Variants in TUBAL3 observed in about 807,000 individuals in gnomAD.
TUBAL3 encodes the protein tubulin alpha chain-like 3.
A neutral mutation model predicts 15.5 loss-of-function variants in TUBAL3; 16 were observed. The ratio of observed to expected loss-of-function variants is 1.04; its 90% CI spans 0.70 to 1.57. The LOEUF (loss-of-function observed/expected upper bound fraction) is 1.57, where lower values mean the gene tolerates loss of function less well. Ranked by LOEUF, TUBAL3 falls within the 40% of genes most tolerant of loss-of-function variation. The pLI, the probability that TUBAL3 is intolerant of heterozygous loss-of-function variation, is 0.00. For synonymous variants in TUBAL3, 238 were observed against 224.3 expected, an observed-to-expected ratio of 1.06 and a Z score of -0.55; for missense variants, 609 against 576.2, an observed-to-expected ratio of 1.06 and a Z score of -0.58.
At position 5,400,909 on chromosome 10, in the gene TUBAL3, C is replaced by G; in HGVS notation, c.182G>C (p.Cys61Ser). 6.2e-7 allele frequency: 1 copy of G among 1,614,212 alleles called. No homozygotes were observed. Among genetic ancestry groups the G allele is most frequent in the Non-Finnish European group, 8.5e-7 (1 of 1,180,042 alleles). Residue 61 changes from cysteine (C) to serine (S), a missense_variant, in exon 2 of 4, where the codon TGT (cysteine) becomes TCT (serine). By Grantham distance (112) the Cys-to-Ser change is moderately radical. Coordinates refer to ENST00000380419, the MANE Select transcript of TUBAL3 (RefSeq NM_024803.3). ...CACATGCTTCCCAGCTCTTGTCTCA[C>G]AGAAGAAGGTATCGAAAGATGCATT... ...HTNASFDTFF[C>S]ETRAGKHVPR...
chr10:5,400,128 C>T (rs1368550208), intron 2 of TUBAL3, among the ~76,000 whole-genome samples: 1 of 152,106 alleles, frequency 6.6e-6, no homozygotes, highest in Non-Finnish European at 1.5e-5. Context: ...CTGTTTTTCC[C>T]ATAACTAGGG....
chr10:5,398,464 T>A (rs542502135), intron 2 of TUBAL3, among the ~76,000 whole-genome samples: 101 of 147,224 alleles, frequency 6.9e-4, no homozygotes, highest in South Asian at 8.6e-4. Context: ...CCACATGTAG[T>A]GACATGTGCC....
chr10:5,400,802 G>A (rs782660122), intron 2 of TUBAL3, 42 bp downstream of exon 2: 1 of 1,611,000 alleles, frequency 6.2e-7, no homozygotes, highest in Non-Finnish European at 8.5e-7. Context: ...TTGTTTGAGT[G>A]TGGCTCCAGT....
Position 5,395,277 on chromosome 10 carries a change from C to T in TUBAL3, c.396+50G>A. 7.1e-7 allele frequency: 1 copy of T among 1,407,574 alleles called. No homozygotes were observed. Among genetic ancestry groups the T allele is most frequent in the Middle Eastern group, 2.0e-4 (1 of 5,122 alleles). The allele number at this position is 1,407,574 out of a possible 1,614,324, so 87.2% of individuals were successfully genotyped here. On this transcript the variant is annotated intron_variant, in intron 3 of 3. Transcript: ENST00000380419. This position sits in a 1 kb window ranked among gnomAD's most constrained non-coding sequence, Gnocchi z 4.6. Reference sequence around the variant, plus strand: ...ATGCTTGTGAGTTCTGCCGCAGGACCCCACATGCCCCAGGCACAGCCCACT... The same window carrying T: ...ATGCTTGTGAGTTCTGCCGCAGGACTCCACATGCCCCAGGCACAGCCCACT...
intron 2 of TUBAL3, among the ~76,000 whole-genome samples, chr10:5,399,758 C>A (rs1269233912): frequency 6.6e-6 from 1 of 152,186 alleles, no homozygotes; most frequent in African/African-American, 2.4e-5. Context: ...CAACAGCCAG[C>A]ACCAAGGGGC....
Position 5,401,000 on chromosome 10 carries a change from G to A in TUBAL3, c.91C>T (p.Gln31Ter), listed in dbSNP as rs1554814602. 1 of 1,614,208 alleles carries A rather than the reference G, an allele frequency of 6.2e-7. No homozygotes were observed. The highest frequency in any genetic ancestry group is 1.7e-5 in the Admixed American group (1 of 60,024). The change falls in exon 2 of 4, where the codon CAG becomes TAG. Residue 31 changes from glutamine (Q) to a stop codon, truncating the protein, a stop_gained. Coordinates refer to ENST00000380419, the MANE Select transcript of TUBAL3 (RefSeq NM_024803.3). LOFTEE classifies it high-confidence loss of function. ...WELYCLEHGI[Q>*]PNGVVLDTQQ... ...GTGTCAAGAACAACGCCATTTGGCT[G>A]GATTCCATGTTCCAGGCAATAGAGT...
At position 5,395,224 on chromosome 10, in the gene TUBAL3, C is replaced by T. The variant is rs146502797; in HGVS notation, c.396+103G>A. 333 of 1,246,882 alleles carry T rather than the reference C, an allele frequency of 2.7e-4. No individual in the cohort carries two copies. The African/African-American group carries it at 4.5e-3, about 17-fold the overall frequency. 77.2% of individuals were successfully genotyped at this position (1,246,882 alleles called of 1,614,324 possible). A position where few individuals can be genotyped will look rare whatever the true frequency, so the allele number is the denominator to read the frequency against. ...ACCCAGACCAGAGCCCAGGGAGAGA[C>T]GGTTGGTGGCGATGGTGACAGCAGA... On this transcript the variant is annotated intron_variant, in intron 3 of 3. Transcript: ENST00000380419. The surrounding 1 kb of genome is among the most constrained non-coding windows in gnomAD (Gnocchi z 4.6).
rs1446949324 is a variant in TUBAL3 at position 5,396,013 on chromosome 10, C to T, written c.248-538G>A. 1.3e-5 allele frequency among the ~76,000 whole-genome samples: 2 copies of T among 152,126 alleles called. No homozygotes were observed. Among genetic ancestry groups the T allele is most frequent in the African/African-American group, 4.8e-5 (2 of 41,416 alleles). ...GGACACAATTCTTTAGCATTAGGGC[C>T]CACCCTAATCCAGGAGGACCTCATT... On this transcript the variant is annotated intron_variant, in intron 2 of 3. Coordinates refer to ENST00000380419, the MANE Select transcript of TUBAL3 (RefSeq NM_024803.3). This position sits in a 1 kb window ranked among gnomAD's most constrained non-coding sequence, Gnocchi z 5.1.
In TUBAL3 at chr10:5,396,238, T is replaced by C. The variant is rs1028994553; in HGVS notation, c.248-763A>G. 6.6e-6 allele frequency among the ~76,000 whole-genome samples: 1 copy of C among 152,174 alleles called. No homozygotes were observed. The highest frequency in any genetic ancestry group is 6.5e-5 in the Admixed American group (1 of 15,278). On this transcript the variant is annotated intron_variant, in intron 2 of 3. Coordinates refer to ENST00000380419, the MANE Select transcript of TUBAL3 (RefSeq NM_024803.3). The surrounding 1 kb of genome is among the most constrained non-coding windows in gnomAD (Gnocchi z 5.1). The stretch of plus-strand genomic sequence containing the variant: ...ACAGAAAGGCATATCCAGGGCACAG[T>C]GGCTCACACCTGTAATCCCAGCACT...
At chr10:5,400,416 G>A (rs1202036770) in intron 2 of TUBAL3, among the ~76,000 whole-genome samples, 5 of 152,126 alleles carry the variant, frequency 3.3e-5, no homozygotes, top group African/African-American at 1.2e-4. Context: ...TGGGTCACTT[G>A]AGGTCGGGAG....
intron 1 of TUBAL3, among the ~76,000 whole-genome samples, chr10:5,402,844 A>G (rs1831877704): frequency 6.6e-6 from 1 of 152,158 alleles, no homozygotes; most frequent in South Asian, 2.1e-4. Flanking sequence ...TCATCCAGAA[A>G]CCATCCCCAC....
At chr10:5,400,581 A>G (rs1445208494) in intron 2 of TUBAL3, among the ~76,000 whole-genome samples, 1 of 152,210 alleles carries the variant, frequency 6.6e-6, no homozygotes, top group Non-Finnish European at 1.5e-5. Context: ...CAGTGAGCCC[A>G]GATCACGCTA....
chr10:5,395,484 G>A lies in TUBAL3; in HGVS notation c.248-9C>T. The A allele has an allele frequency of 6.7e-7, 1 of 1,497,548 alleles. No individual in the cohort carries two copies. Among genetic ancestry groups the A allele is most frequent in the East Asian group, 2.5e-5 (1 of 39,940 alleles). The allele number at this position is 1,497,548 out of a possible 1,614,324, so 92.8% of individuals were successfully genotyped here. A position where few individuals can be genotyped will look rare whatever the true frequency, so the allele number is the denominator to read the frequency against. ...GCCCGTCCGGATCCCATCTGCAGAG[G>A]GTGAAAGGAGGTCAGTGCAACTCAC... On this transcript the variant is annotated splice_polypyrimidine_tract_variant and intron_variant, in intron 2 of 3. Coordinates refer to ENST00000380419, the MANE Select transcript of TUBAL3 (RefSeq NM_024803.3). The surrounding 1 kb of genome is among the most constrained non-coding windows in gnomAD (Gnocchi z 4.6).
At position 5,393,573 on chromosome 10, in the gene TUBAL3, T is replaced by G. The variant is rs782294680; in HGVS notation, c.1285A>C (p.Arg429=). The G allele has an allele frequency of 2.5e-6, 4 of 1,614,140 alleles. No homozygotes were observed. Among genetic ancestry groups the G allele is most frequent in the Non-Finnish European group, 3.4e-6 (4 of 1,179,992 alleles). Residue 429 remains arginine, a synonymous_variant, in exon 4 of 4, where the codon AGG becomes CGG. Transcript: ENST00000380419. The part of the protein sequence containing the change: ...GMEEAEFLEA[R]EDLAALERDY... ...CTCTCCAGGGCTGCCAGATCTTCCC[T>G]GGCCTCCAAGAACTCTGCTTCTTCC...
rs781903273 is a variant in TUBAL3, at chr10:5,393,472, C to A, written c.*45G>T. 890 of 1,490,970 alleles carry A rather than the reference C, an allele frequency of 6.0e-4. No individual in the cohort carries two copies. The highest frequency in any genetic ancestry group is 5.5e-3 in the Admixed American group (255 of 46,184). The allele number at this position is 1,490,970 out of a possible 1,614,324, so 92.4% of individuals were successfully genotyped here. On this transcript the variant is annotated 3_prime_UTR_variant, in exon 4 of 4. Coordinates refer to ENST00000380419, the MANE Select transcript of TUBAL3 (RefSeq NM_024803.3). ...GGCATATAACGGCTTGAAAAGAAAA[C>A]ATGCCATTTTAACTTGACATTCATT...
rs906192809 is a variant in TUBAL3 at position 5,393,758 on chromosome 10, G to A, written c.1100C>T (p.Pro367Leu). The change falls in exon 4 of 4, where the codon CCC becomes CTC. Residue 367 changes from proline to leucine, a missense_variant. Physicochemically the swap from Pro to Leu is moderately conservative, Grantham distance 98 (BLOSUM62 -3). Coordinates refer to ENST00000380419, the MANE Select transcript of TUBAL3 (RefSeq NM_024803.3). ...CAGGTCCCCACCCGGCATCACCGTGGGCGGCCGATTGTTGATGCCCACCTT... is the reference window on the plus strand; with the variant it reads ...CAGGTCCCCACCCGGCATCACCGTGAGCGGCCGATTGTTGATGCCCACCTT... Reference protein sequence around the residue: ...GFKVGINNRPPTVMPGGDLAK... With the variant: ...GFKVGINNRPLTVMPGGDLAK... 6 of 1,614,110 alleles carry A rather than the reference G, an allele frequency of 3.7e-6. No individual in the cohort carries two copies. Among genetic ancestry groups the A allele is most frequent in the Non-Finnish European group, 5.1e-6 (6 of 1,180,054 alleles).
Position 5,393,274 on chromosome 10 carries a change from A to T in TUBAL3, c.*243T>A. The stretch of plus-strand genomic sequence containing the variant: ...AAATCCCACCTAGAAGTGACTCAGC[A>T]GTTCAAAGGACTCTAAGCTTCCAAA... On this transcript the variant is annotated 3_prime_UTR_variant, in exon 4 of 4. Transcript: ENST00000380419. The T allele has an allele frequency of 2.4e-6, 1 of 413,220 alleles. No individual in the cohort carries two copies. 25.6% of individuals were successfully genotyped at this position (413,220 alleles called of 1,614,324 possible).
Position 5,394,409 on chromosome 10 carries a change from C to G in TUBAL3, c.449G>C (p.Gly150Ala). 1 of 1,613,434 alleles carries G rather than the reference C, an allele frequency of 6.2e-7. No individual in the cohort carries two copies. Among genetic ancestry groups the G allele is most frequent in the Non-Finnish European group, 8.5e-7 (1 of 1,179,732 alleles). ...AGACGTAAACCCTGAACCAGTGCCT[C>G]CTCCAAAGCTTCGGAAAATCAAAAA... is the stretch of plus-strand genomic sequence containing the variant. Reference protein sequence around the residue: ...QGFLIFRSFGGGTGSGFTSLL... With the variant: ...QGFLIFRSFGAGTGSGFTSLL... The change falls in exon 4 of 4, where the codon GGA (glycine) becomes GCA (alanine). Residue 150 changes from glycine (G) to alanine (A), a missense_variant. Gly to Ala is a moderately conservative substitution (Grantham distance 60). Transcript: ENST00000380419. This position sits in a 1 kb window ranked among gnomAD's most constrained non-coding sequence, Gnocchi z 4.3.
At chr10:5,399,612 G>A (rs1554814462) in intron 2 of TUBAL3, among the ~76,000 whole-genome samples, 1 of 152,150 alleles carries the variant, frequency 6.6e-6, no homozygotes, top group Non-Finnish European at 1.5e-5. Context: ...CACGTCGAAG[G>A]CAAAAATCAA....
Sources: allele counts gnomAD v4.1 joint callset (sites outside exome capture counted in the v4.1 genomes callset), GRCh38; gene constraint gnomAD v4.1.1; non-coding constraint Gnocchi (gnomAD v3.1); transcripts MANE v1.5; gene names NCBI Gene and HGNC (gene_info 2026-07-23, HGNC 2026-07-21).